The following PRPH2 variants were observed in gnomAD, a reference collection of about 807,000 sequenced individuals.
The protein encoded by PRPH2 is peripherin-2.
In PRPH2, 17 loss-of-function variants were observed where a neutral mutation model predicts 31.3. That is an observed-to-expected ratio of 0.54 (90% CI 0.37 to 0.81). The LOEUF is 0.81. Among genes scored for constraint, PRPH2 ranks in the 40% least tolerant of loss-of-function variants. The pLI is 0.00. For synonymous variants in PRPH2, 165 were observed against 184.4 expected (o/e 0.89, Z 0.85); for missense variants, 430 against 439.7 (o/e 0.98, Z 0.20).
intron 1 of PRPH2, among the ~76,000 whole-genome samples, chr6:42,717,558 A>T (rs1442107992): frequency 6.6e-6 from 1 of 152,196 alleles, no homozygotes; most frequent in Non-Finnish European, 1.5e-5. Context: ...GTGATCTCAA[A>T]AAATAAATAA....
chr6:42,713,787 G>A (rs1292150644), intron 1 of PRPH2, among the ~76,000 whole-genome samples: 1 of 151,762 alleles, frequency 6.6e-6, no homozygotes, highest in Admixed American at 6.6e-5. Flanking sequence ...GGGCGTGATG[G>A]TGGGTGTCTG....
chr6:42,708,437 G>A lies in PRPH2; in HGVS notation c.582-3826C>T, dbSNP rs572428832. ...CCGGGCTGTTGGTGACGGAAGTGGGGCAGGGGTGGGAAGACAAGCTGGAGC... is the reference window on the plus strand; with the variant it reads ...CCGGGCTGTTGGTGACGGAAGTGGGACAGGGGTGGGAAGACAAGCTGGAGC... On this transcript the variant is annotated intron_variant, in intron 1 of 2. Transcript: ENST00000230381. Among the ~76,000 whole-genome samples the A allele has an allele frequency of 3.9e-5, 6 of 152,336 alleles. No individual in the cohort carries two copies. In the East Asian group the frequency reaches 1.2e-3, roughly 29 times the overall value.
intron 1 of PRPH2, among the ~76,000 whole-genome samples, chr6:42,719,023 A>C (rs770965869): frequency 1.3e-5 from 2 of 152,184 alleles, no homozygotes; most frequent in African/African-American, 4.8e-5. Context: ...CATTTTTCTC[A>C]GGGAAATTTA....
intron 1 of PRPH2, among the ~76,000 whole-genome samples, chr6:42,715,350 G>A (rs1761756614): frequency 6.6e-6 from 1 of 152,090 alleles, no homozygotes; most frequent in Admixed American, 6.6e-5. Flanking sequence ...GGGATGGGGT[G>A]CAGTCACTGG....
At chr6:42,709,014 G>A (rs546205533) in intron 1 of PRPH2, among the ~76,000 whole-genome samples, 201 of 152,254 alleles carry the variant, frequency 1.3e-3, no homozygotes, top group African/African-American at 4.7e-3. Flanking sequence ...AGGAGGGCAA[G>A]GCCTCGCCCA....
chr6:42,721,701 T>C, intron 1 of PRPH2, 53 bp downstream of exon 1: 1 of 1,603,330 alleles, frequency 6.2e-7, no homozygotes, highest in Non-Finnish European at 8.5e-7. Context: ...GGCCTGAGCC[T>C]CAGTGTCCCC....
chr6:42,711,893 G>A (rs1761653688), intron 1 of PRPH2: 2 of 985,244 alleles, frequency 2.0e-6, no homozygotes, highest in South Asian at 9.4e-5. Flanking sequence ...GCTCCCGCAT[G>A]TTCTACCTCT....
chr6:42,707,886 A>G (rs1020757688), intron 1 of PRPH2, among the ~76,000 whole-genome samples: 1 of 152,218 alleles, frequency 6.6e-6, no homozygotes, highest in Non-Finnish European at 1.5e-5. Context: ...CAAGAGCCGG[A>G]CAGCCTGGGT....
In PRPH2 at chr6:42,698,073, A is replaced by ACATTCACATTAGCTT; in HGVS notation, c.*207_*221dup. 1.6e-6 allele frequency: 1 copy of ACATTCACATTAGCTT among 615,042 alleles called. No homozygotes were observed. The highest frequency in any genetic ancestry group is 2.8e-6 in the Non-Finnish European group (1 of 358,096). The allele number at this position is 615,042 out of a possible 1,614,324, so 38.1% of individuals were successfully genotyped here. On this transcript the variant is annotated 3_prime_UTR_variant, in exon 3 of 3. Transcript: ENST00000230381. ...AGCGGGCCTGAAGGGAGCTTCACTCACATTCACATTAGCTTCATTCACATT... is the reference window on the plus strand; with the variant it reads ...AGCGGGCCTGAAGGGAGCTTCACTCACATTCACATTAGCTTCATTCACATTAGCTTCATTCACATT...
intron 1 of PRPH2, among the ~76,000 whole-genome samples, chr6:42,713,466 C>T (rs1423853919): frequency 6.6e-6 from 1 of 152,094 alleles, no homozygotes; most frequent in African/African-American, 2.4e-5. Context: ...CCGCAGAGCC[C>T]GGAATGGTGT....
intron 1 of PRPH2, among the ~76,000 whole-genome samples, chr6:42,708,141 G>T (rs914705141): frequency 3.9e-5 from 6 of 152,182 alleles, no homozygotes; most frequent in Non-Finnish European, 7.3e-5. Flanking sequence ...CTGACATCAG[G>T]TTGTAAGAAC....
At chr6:42,704,708 T>G in intron 1 of PRPH2, 97 bp from the exon 2 acceptor site, 2 of 1,551,672 alleles carry the variant, frequency 1.3e-6, no homozygotes, top group Non-Finnish European at 1.8e-6. Flanking sequence ...AGAATAGTCA[T>G]TCACTCGCAC....
In PRPH2 at chr6:42,722,197, T is replaced by A. The variant is rs61729453; in HGVS notation, c.138A>T (p.Arg46=). Residue 46 remains arginine (R), a synonymous_variant, in exon 1 of 3, where the codon CGA becomes CGT. Transcript: ENST00000230381. This position sits in a 1 kb window ranked among gnomAD's most constrained non-coding sequence, Gnocchi z 4.4. ...AATTATTCATCACATCGCTCCTCTT[T>A]CGGAGTTCAATCTTCAGGAACAGTC... is the stretch of plus-strand genomic sequence containing the variant. ...SLGLFLKIEL[R]KRSDVMNNSE... 1.9e-6 allele frequency: 3 copies of A among 1,614,012 alleles called. No individual in the cohort carries two copies. The South Asian group carries it at 3.3e-5, about 18-fold the overall frequency.
At chr6:42,707,424 A>G (rs1347908627) in intron 1 of PRPH2, among the ~76,000 whole-genome samples, 1 of 152,148 alleles carries the variant, frequency 6.6e-6, no homozygotes, top group Non-Finnish European at 1.5e-5. Flanking sequence ...CCTTGCATCA[A>G]AGGGTGATCT....
chr6:42,717,162 C>T (rs1188434859), intron 1 of PRPH2, among the ~76,000 whole-genome samples: 1 of 149,940 alleles, frequency 6.7e-6, no homozygotes, highest in Non-Finnish European at 1.5e-5. Context: ...CCTGTAATCC[C>T]AGCACTTTGG....
intron 2 of PRPH2, among the ~76,000 whole-genome samples, chr6:42,703,760 A>G (rs1349773215): frequency 6.6e-6 from 1 of 152,150 alleles, no homozygotes; most frequent in Non-Finnish European, 1.5e-5. Context: ...TTGTAAATCA[A>G]CTAGATGACA....
At chr6:42,719,443 G>A (rs62416278) in intron 1 of PRPH2, among the ~76,000 whole-genome samples, 4,444 of 151,990 alleles carry the variant, frequency 0.029, 102 homozygotes, top group Middle Eastern at 0.061. Context: ...CAAAGTGTTG[G>A]GATTACAGGC....
intron 1 of PRPH2, among the ~76,000 whole-genome samples, chr6:42,720,270 G>A (rs1371251001): frequency 6.6e-6 from 1 of 152,100 alleles, no homozygotes; most frequent in Non-Finnish European, 1.5e-5. Flanking sequence ...CTGACTCTAT[G>A]CAGGAGACAA....
intron 1 of PRPH2, among the ~76,000 whole-genome samples, chr6:42,715,875 C>T (rs1225791317): frequency 1.3e-5 from 2 of 152,074 alleles, no homozygotes; most frequent in Non-Finnish European, 2.9e-5. Flanking sequence ...TCTGGGGGGC[C>T]CCAAGGAGGG....
Sources: gnomAD v4.1 joint callset for allele counts (sites outside exome capture counted in the v4.1 genomes callset) on GRCh38, gnomAD v4.1.1 for gene constraint, Gnocchi (gnomAD v3.1) non-coding constraint, MANE v1.5 for transcripts, NCBI Gene and HGNC (gene_info 2026-07-23, HGNC 2026-07-21) for gene names.